PTPRG: variants seen among roughly 807,000 people sequenced by gnomAD.
PTPRG encodes the protein receptor-type tyrosine-protein phosphatase gamma.
PTPRG carries 102 observed loss-of-function variants against 165.3 expected under a neutral mutation model. The observed-to-expected ratio is 0.62, with a 90% CI of 0.53 to 0.73. The LOEUF (loss-of-function observed/expected upper bound fraction) is 0.73. Ranked by LOEUF, PTPRG falls within the 30% of genes least tolerant of loss-of-function variation. The pLI is 0.00. For missense variants in PTPRG, 1,866 were observed against 1,861.4 expected (o/e 1.00, Z -0.05); for synonymous variants, 675 against 669.5 (o/e 1.01, Z -0.13).
intron 2 of PTPRG, among the ~76,000 whole-genome samples, chr3:61,941,958 A>G (rs112296500): frequency 1.3e-5 from 2 of 151,732 alleles, no homozygotes; most frequent in African/African-American, 4.8e-5. Context: ...CAGGAGCTGG[A>G]GACCAGTCTG....
chr3:61,651,869 G>A (rs181698079), intron 1 of PTPRG, among the ~76,000 whole-genome samples: 8 of 152,148 alleles, frequency 5.3e-5, no homozygotes, highest in Middle Eastern at 3.4e-3. Flanking sequence ...ACTTAGCCGG[G>A]CATGGTGACA....
rs2041760962 is a variant in PTPRG at position 62,024,315 on chromosome 3, T to G, written c.519+20818T>G. The stretch of plus-strand genomic sequence containing the variant: ...AAATTTCTCCATTTATCAAGATACT[T>G]TTACAGAACTCCCATCTCCCCACTT... On this transcript the variant is annotated intron_variant, in intron 4 of 29. Coordinates refer to ENST00000474889, the MANE Select transcript of PTPRG (RefSeq NM_002841.4). 3.3e-5 allele frequency among the ~76,000 whole-genome samples: 5 copies of G among 152,146 alleles called. 1 individual carries two copies. In the South Asian group the frequency reaches 1.0e-3, roughly 32 times the overall value.
In PTPRG at chr3:62,254,521, C is replaced by T. The variant is rs1222558899; in HGVS notation, c.2468-603C>T. ...CAACACCAAAAAAATCCAGTTAATTCAGTCAAACTGATTATTTGGCATCAT... is the reference window on the plus strand; with the variant it reads ...CAACACCAAAAAAATCCAGTTAATTTAGTCAAACTGATTATTTGGCATCAT... On this transcript the variant is annotated intron_variant, in intron 15 of 29. Coordinates refer to ENST00000474889, the MANE Select transcript of PTPRG (RefSeq NM_002841.4). The surrounding 1 kb of genome is among the most constrained non-coding windows in gnomAD (Gnocchi z 4.6). Among the ~76,000 whole-genome samples the T allele has an allele frequency of 6.6e-6, 1 of 152,094 alleles. No homozygotes were observed. Among genetic ancestry groups the T allele is most frequent in the Non-Finnish European group, 1.5e-5 (1 of 68,006 alleles).
intron 1 of PTPRG, among the ~76,000 whole-genome samples, chr3:61,607,180 G>T (rs552576081): frequency 2.0e-5 from 3 of 152,140 alleles, no homozygotes; most frequent in South Asian, 4.1e-4. Context: ...CATTCTAGGG[G>T]TCTAGAATTG....
intron 28 of PTPRG, among the ~76,000 whole-genome samples, chr3:62,285,062 C>T (rs1035844645): frequency 1.3e-5 from 2 of 152,016 alleles, no homozygotes; most frequent in Non-Finnish European, 2.9e-5. Flanking sequence ...AATGTCATTC[C>T]TGCTTATCAT....
chr3:62,263,312 C>T, intron 17 of PTPRG: 1 of 179,204 alleles, frequency 5.6e-6, no homozygotes, highest in Non-Finnish European at 1.2e-5. Context: ...TCAAAGACTA[C>T]ATAATTGGCT....
intron 2 of PTPRG, among the ~76,000 whole-genome samples, chr3:61,834,728 G>A (rs894298269): frequency 6.6e-6 from 1 of 152,138 alleles, no homozygotes; most frequent in Non-Finnish European, 1.5e-5. Context: ...CAGGAGAATT[G>A]CTTTAACCCA....
chr3:61,594,398 G>C (rs761512147), intron 1 of PTPRG, among the ~76,000 whole-genome samples: 3 of 152,006 alleles, frequency 2.0e-5, no homozygotes, highest in Non-Finnish European at 2.9e-5. Context: ...CTGAGGTGCA[G>C]ATAGGCTCAA....
chr3:61,656,426 A>G (rs1205113205), intron 1 of PTPRG, among the ~76,000 whole-genome samples: 1 of 152,182 alleles, frequency 6.6e-6, no homozygotes, highest in Non-Finnish European at 1.5e-5. Flanking sequence ...GTTTCATAAA[A>G]TAAGCCCTAA....
intron 2 of PTPRG, among the ~76,000 whole-genome samples, chr3:61,758,738 G>A (rs540495508): frequency 1.3e-5 from 2 of 152,120 alleles, no homozygotes; most frequent in African/African-American, 4.8e-5. Context: ...TCGGCTTCAT[G>A]TTGAAATTAT....
At chr3:62,084,118 A>C (rs573606581) in intron 5 of PTPRG, among the ~76,000 whole-genome samples, 2 of 152,278 alleles carry the variant, frequency 1.3e-5, no homozygotes, top group Admixed American at 1.3e-4. Context: ...AGCCTCCTTT[A>C]TGGCTGTGGT....
intron 1 of PTPRG, among the ~76,000 whole-genome samples, chr3:61,651,783 G>C (rs1223229233): frequency 6.6e-6 from 1 of 152,208 alleles, no homozygotes; most frequent in African/African-American, 2.4e-5. Context: ...GCCGAGGTAG[G>C]TGGATCACTT....
At chr3:61,995,301 C>T (rs1050998626) in intron 3 of PTPRG, among the ~76,000 whole-genome samples, 1 of 151,902 alleles carries the variant, frequency 6.6e-6, no homozygotes, top group African/African-American at 2.4e-5. Context: ...GTTGGCCAGG[C>T]TGGTCTCAAA....
chr3:62,254,328 T>C lies in PTPRG; in HGVS notation c.2468-796T>C, dbSNP rs1173816525. On this transcript the variant is annotated intron_variant, in intron 15 of 29. Coordinates refer to ENST00000474889, the MANE Select transcript of PTPRG (RefSeq NM_002841.4). This position sits in a 1 kb window ranked among gnomAD's most constrained non-coding sequence, Gnocchi z 4.6. ...GTCGAGGGAGAAGGGAAGAAGGAGG[T>C]TGGGGAGCTCCAGTTAGTTGGGTGT... is the stretch of plus-strand genomic sequence containing the variant. Among the ~76,000 whole-genome samples the C allele has an allele frequency of 1.3e-5, 2 of 151,988 alleles. No homozygotes were observed. The highest frequency in any genetic ancestry group is 2.4e-5 in the African/African-American group (1 of 41,384).
At chr3:61,592,844 G>A (rs1700606307) in intron 1 of PTPRG, among the ~76,000 whole-genome samples, 1 of 152,038 alleles carries the variant, frequency 6.6e-6, no homozygotes, top group Non-Finnish European at 1.5e-5. Flanking sequence ...TAAAAGCCGT[G>A]GGGCTGACCC....
At chr3:61,752,514 C>A (rs745325195) in intron 2 of PTPRG, among the ~76,000 whole-genome samples, 1 of 151,808 alleles carries the variant, frequency 6.6e-6, no homozygotes, top group Admixed American at 6.6e-5. Flanking sequence ...GTTTGCTGGC[C>A]GGGTGCGGTG....
intron 1 of PTPRG, among the ~76,000 whole-genome samples, chr3:61,606,004 C>G (rs887535650): frequency 1.3e-5 from 2 of 152,258 alleles, no homozygotes; most frequent in South Asian, 2.1e-4. Context: ...GGTGGCACCC[C>G]TCACCCCATG....
intron 2 of PTPRG, among the ~76,000 whole-genome samples, chr3:61,820,125 G>C (rs1487948915): frequency 2.0e-5 from 3 of 152,058 alleles, no homozygotes; most frequent in Non-Finnish European, 2.9e-5. Context: ...CAGAGGAGCA[G>C]AAAAAAGGAG....
chr3:61,613,326 G>A (rs2886526), intron 1 of PTPRG, among the ~76,000 whole-genome samples: 13,498 of 152,136 alleles, frequency 0.089, 718 homozygotes, highest in East Asian at 0.21. Context: ...CAAAGCCAGC[G>A]TTCCTTTAAG....
Sources: gnomAD v4.1 joint callset for allele counts (sites outside exome capture counted in the v4.1 genomes callset) on GRCh38, gnomAD v4.1.1 for gene constraint, Gnocchi (gnomAD v3.1) non-coding constraint, MANE v1.5 for transcripts, NCBI Gene and HGNC (gene_info 2026-07-23, HGNC 2026-07-21) for gene names.